Variants in ASAP1 observed in about 807,000 individuals in gnomAD.
ASAP1 encodes ArfGAP with SH3 domain, ankyrin repeat and PH domain 1.
Under a neutral mutation model 145.2 loss-of-function variants are expected in ASAP1, and 43 were observed. The observed-to-expected ratio is 0.30, with a 90% CI of 0.23 to 0.38. The LOEUF (loss-of-function observed/expected upper bound fraction) is 0.38. Ranked by LOEUF, ASAP1 falls within the 10% of genes least tolerant of loss-of-function variation. The pLI, the probability that ASAP1 is intolerant of heterozygous loss-of-function variation, is 1.00. For synonymous variants in ASAP1, 546 were observed against 515.5 expected, an observed-to-expected ratio of 1.06 and a Z score of -0.80; for missense variants, 1,018 against 1,355.3, an observed-to-expected ratio of 0.75 and a Z score of 3.91.
intron 3 of ASAP1, among the ~76,000 whole-genome samples, chr8:130,290,367 A>G (rs750236835): frequency 2.6e-4 from 39 of 152,218 alleles, no homozygotes; most frequent in Non-Finnish European, 3.7e-4. Flanking sequence ...ATTCCCTCAC[A>G]TGAAATGTTC....
At chr8:130,155,389 C>T (rs2097656300) in intron 12 of ASAP1, among the ~76,000 whole-genome samples, 1 of 152,188 alleles carries the variant, frequency 6.6e-6, no homozygotes, top group South Asian at 2.1e-4. Context: ...GCGAGAGAGA[C>T]AGGGTGTCAC....
At chr8:130,172,996 T>C (rs761382646) in intron 9 of ASAP1, among the ~76,000 whole-genome samples, 16 of 152,248 alleles carry the variant, frequency 1.1e-4, no homozygotes, top group Non-Finnish European at 2.2e-4. Flanking sequence ...ATGAATCTAG[T>C]AATCATCTAA....
At chr8:130,279,725 T>C (rs891326970) in intron 3 of ASAP1, among the ~76,000 whole-genome samples, 1 of 152,202 alleles carries the variant, frequency 6.6e-6, no homozygotes, top group African/African-American at 2.4e-5. Flanking sequence ...GAGAAAGAGT[T>C]AGCAATGTAG....
intron 3 of ASAP1, among the ~76,000 whole-genome samples, chr8:130,304,983 T>C (rs932298538): frequency 2.0e-5 from 3 of 151,930 alleles, no homozygotes; most frequent in Non-Finnish European, 4.4e-5. Context: ...CAACCTCTTC[T>C]TCCTCACACG....
chr8:130,252,708 C>A (rs1819275204), intron 3 of ASAP1, among the ~76,000 whole-genome samples: 1 of 152,142 alleles, frequency 6.6e-6, no homozygotes. Context: ...GCACACCCAC[C>A]CACAAGCACC....
intron 3 of ASAP1, among the ~76,000 whole-genome samples, chr8:130,340,236 C>T (rs765102926): frequency 7.9e-5 from 12 of 152,116 alleles, no homozygotes; most frequent in Non-Finnish European, 1.8e-4. Flanking sequence ...AAGGTGTCTA[C>T]AAGGCAAAGG....
At chr8:130,131,647 G>A (rs2097583297) in intron 15 of ASAP1, among the ~76,000 whole-genome samples, 1 of 150,338 alleles carries the variant, frequency 6.7e-6, no homozygotes. Flanking sequence ...AAAATTAGCT[G>A]GGCGTGGTGA....
intron 27 of ASAP1, among the ~76,000 whole-genome samples, chr8:130,070,210 C>G (rs1224356542): frequency 6.6e-6 from 1 of 152,030 alleles, no homozygotes; most frequent in African/African-American, 2.4e-5. Context: ...CTAATTTTTT[C>G]TATTTTTTAG....
rs556066875 is a variant in ASAP1 at position 130,106,841 on chromosome 8, T to A, written c.2401+5253A>T. 1.6e-4 allele frequency among the ~76,000 whole-genome samples: 25 copies of A among 152,336 alleles called. No homozygotes were observed. The South Asian group carries it at 5.0e-3, about 30-fold the overall frequency. On this transcript the variant is annotated intron_variant, in intron 24 of 29. Transcript: ENST00000518721. ...CTCTTTCCTGCTCCTCCAGGAATAC[T>A]CCCTAGTGGCCCCAGGGGCACATTA...
chr8:130,069,181 T>C (rs945182999), intron 27 of ASAP1, among the ~76,000 whole-genome samples: 1 of 152,162 alleles, frequency 6.6e-6, no homozygotes, highest in Non-Finnish European at 1.5e-5. Context: ...GGTAGAAATC[T>C]TTAGATGGTT....
At chr8:130,390,938 C>A (rs574812723) in intron 2 of ASAP1, among the ~76,000 whole-genome samples, 15 of 145,364 alleles carry the variant, frequency 1.0e-4, no homozygotes, top group Non-Finnish European at 2.1e-4. Flanking sequence ...ATATATCCCC[C>A]GCCCCCCCAA....
intron 3 of ASAP1, among the ~76,000 whole-genome samples, chr8:130,298,027 T>A (rs1320395330): frequency 2.0e-5 from 3 of 152,190 alleles, no homozygotes; most frequent in Non-Finnish European, 2.9e-5. Flanking sequence ...ATCACTTCCC[T>A]TCTTTGAATC....
At chr8:130,320,033 A>C (rs963138260) in intron 3 of ASAP1, among the ~76,000 whole-genome samples, 2 of 152,238 alleles carry the variant, frequency 1.3e-5, no homozygotes, top group Non-Finnish European at 2.9e-5. Context: ...TATTCACAAA[A>C]TTAGCACACA....
intron 27 of ASAP1, among the ~76,000 whole-genome samples, chr8:130,072,819 G>GCA (rs1175346864): frequency 4.3e-5 from 3 of 70,102 alleles, no homozygotes; most frequent in African/African-American, 6.6e-5. Context: ...GTGTGTGTGT[G>GCA]TGTGTGCGCG....
intron 3 of ASAP1, among the ~76,000 whole-genome samples, chr8:130,339,280 C>A (rs188646511): frequency 2.5e-4 from 38 of 152,008 alleles, no homozygotes; most frequent in Admixed American, 1.8e-3. Context: ...GGTAAAATAA[C>A]GTAAAGAAAA....
rs535301700 is a variant in ASAP1 at position 130,098,863 on chromosome 8, T to A, written c.2402-6720A>T. Among the ~76,000 whole-genome samples, 4 of 152,300 alleles carry A rather than the reference T, an allele frequency of 2.6e-5. No homozygotes were observed. The East Asian group carries it at 5.8e-4, about 22-fold the overall frequency. On this transcript the variant is annotated intron_variant, in intron 24 of 29. Coordinates refer to ENST00000518721, the MANE Select transcript of ASAP1 (RefSeq NM_018482.4). ...GTTAACCACAGTCACTCTACAGTGTTACAGAACACAGGAACTTATCCTTCC... is the reference window on the plus strand; with the variant it reads ...GTTAACCACAGTCACTCTACAGTGTAACAGAACACAGGAACTTATCCTTCC...
intron 3 of ASAP1, among the ~76,000 whole-genome samples, chr8:130,249,985 C>T (rs982613570): frequency 6.6e-6 from 1 of 152,040 alleles, no homozygotes; most frequent in Non-Finnish European, 1.5e-5. Context: ...TCTCTCTTAG[C>T]ATGCTAGATT....
intron 4 of ASAP1, among the ~76,000 whole-genome samples, chr8:130,215,061 C>G (rs148679018): frequency 0.11 from 16,229 of 151,734 alleles, 981 homozygotes; most frequent in South Asian, 0.27. Context: ...CCACCATGCC[C>G]GGCTAATTTT....
chr8:130,304,779 C>T (rs1822891132), intron 3 of ASAP1, among the ~76,000 whole-genome samples: 1 of 152,212 alleles, frequency 6.6e-6, no homozygotes, highest in African/African-American at 2.4e-5. Context: ...TTTTCCAGAG[C>T]AGCCAGAGGG....
Sources: gnomAD v4.1 joint callset for allele counts (sites outside exome capture counted in the v4.1 genomes callset) on GRCh38, gnomAD v4.1.1 for gene constraint, MANE v1.5 for transcripts, NCBI Gene and HGNC (gene_info 2026-07-23, HGNC 2026-07-21) for gene names.